The following VWA7 variants were observed in gnomAD, a reference collection of about 807,000 sequenced individuals.
VWA7 encodes von Willebrand factor A domain-containing protein 7.
Under a neutral mutation model 83.1 loss-of-function variants are expected in VWA7, and 66 were observed. The observed-to-expected ratio is 0.79, with a 90% confidence interval of 0.65 to 0.98. The LOEUF (loss-of-function observed/expected upper bound fraction) is 0.98. Among genes scored for constraint, VWA7 ranks in the 50% least tolerant of loss-of-function variants. The pLI is 0.00. For synonymous variants in VWA7, 424 were observed against 488.5 expected, an observed-to-expected ratio of 0.87 and a Z score of 1.74; for missense variants, 1,080 against 1,160.2, an observed-to-expected ratio of 0.93 and a Z score of 1.00.
chr6:31,774,204 G>A (rs7769537), intron 5 of VWA7, among the ~76,000 whole-genome samples: 3,010 of 151,766 alleles, frequency 0.02, 80 homozygotes, highest in African/African-American at 0.059. Context: ...TTTGTGGAGG[G>A]GAATTCTGGA....
chr6:31,767,476 C>T lies in VWA7; in HGVS notation c.1675G>A (p.Gly559Ser). Residue 559 changes from glycine to serine, a missense_variant, in exon 12 of 17, where the codon GGT becomes AGT. Transcript: ENST00000375688. The stretch of plus-strand genomic sequence containing the variant: ...AACTGCCCAAAGCGGCGAGTGTGAC[C>T]TAGAGGACCCCCGCCTTCCTCCTGG... ...QGQEEGGGPLGHTRRFGQFWM... is the reference protein window; with the variant it reads ...QGQEEGGGPLSHTRRFGQFWM... 2 of 1,612,190 alleles carry T rather than the reference C, an allele frequency of 1.2e-6. No homozygotes were observed. Among genetic ancestry groups the T allele is most frequent in the South Asian group, 1.1e-5 (1 of 91,060 alleles).
At position 31,774,537 on chromosome 6, in the gene VWA7, T is replaced by C; in HGVS notation, c.700A>G (p.Thr234Ala). ...GTACCTGGAGGTTTCGGGGGATGAG[T>C]TCCAAAGTAGCCAGAGGTGAGGAGT... ...FTLLTSGYFGTHPPKPPGKCS... is the reference protein window; with the variant it reads ...FTLLTSGYFGAHPPKPPGKCS... The change falls in exon 5 of 17, where the codon ACT becomes GCT. Residue 234 changes from threonine to alanine, a missense_variant. Thr to Ala is a moderately conservative substitution (Grantham distance 58). Transcript: ENST00000375688. 11 of 1,612,440 alleles carry C rather than the reference T, an allele frequency of 6.8e-6. No individual in the cohort carries two copies. Among genetic ancestry groups the C allele is most frequent in the Non-Finnish European group, 9.3e-6 (11 of 1,179,810 alleles).
At chr6:31,767,552 C>T in intron 11 of VWA7, 38 bp from the exon 12 acceptor site, 1 of 1,600,200 alleles carries the variant, frequency 6.2e-7, no homozygotes, top group Non-Finnish European at 8.6e-7. Context: ...GAAGCACTTG[C>T]TCTCCTTGAG....
At position 31,766,374 on chromosome 6, in the gene VWA7, G is replaced by A. The variant is rs1338047101; in HGVS notation, c.2195C>T (p.Pro732Leu). ...VVPVLLELSGPSGFLAPGSKV... is the reference protein window; with the variant it reads ...VVPVLLELSGLSGFLAPGSKV... ...GCTGCCCGGGGCCAAGAAACCCGAG[G>A]GGCCACTAAGCTGCAGAGAAGGGTT... Residue 732 changes from proline to leucine, a missense_variant, in exon 15 of 17, where the codon CCC becomes CTC. Pro to Leu is a moderately conservative substitution (Grantham distance 98). Coordinates refer to ENST00000375688, the MANE Select transcript of VWA7 (RefSeq NM_025258.3). The surrounding 1 kb of genome is among the most constrained non-coding windows in gnomAD (Gnocchi z 4.9). 1 of 1,599,652 alleles carries A rather than the reference G, an allele frequency of 6.3e-7. No homozygotes were observed. The highest frequency in any genetic ancestry group is 1.8e-5 in the Admixed American group (1 of 56,494).
In VWA7 at chr6:31,777,069, C is replaced by T; in HGVS notation, c.-16+40G>A. 2.5e-6 allele frequency: 1 copy of T among 407,038 alleles called. No individual in the cohort carries two copies. Among genetic ancestry groups the T allele is most frequent in the Non-Finnish European group, 4.4e-6 (1 of 229,880 alleles). The allele number at this position is 407,038 out of a possible 1,614,324, so 25.2% of individuals were successfully genotyped here. A position where few individuals can be genotyped will look rare whatever the true frequency, so the allele number is the denominator to read the frequency against. Reference sequence around the variant, plus strand: ...CCAGCCCTGCCGCAGAAACACTCCCCATGCTCAGGAAGCCTGAGTCCTCTC... The same window carrying T: ...CCAGCCCTGCCGCAGAAACACTCCCTATGCTCAGGAAGCCTGAGTCCTCTC... On this transcript the variant is annotated intron_variant, in intron 1 of 16. Transcript: ENST00000375688. This position sits in a 1 kb window ranked among gnomAD's most constrained non-coding sequence, Gnocchi z 5.8.
rs767669981 is a variant in VWA7, at chr6:31,766,590, G to A, written c.2057C>T (p.Ser686Leu). The change falls in exon 14 of 17, where the codon TCG becomes TTG. Residue 686 changes from serine (S) to leucine (L), a missense_variant. Transcript: ENST00000375688. The surrounding 1 kb of genome is among the most constrained non-coding windows in gnomAD (Gnocchi z 4.9). ...GPPERGLLAA[S>L]LSPTLLSTPR... ...GGTGGACAGCAGCGTGGGCGACAGC[G>A]AGGCTGCGAGGAGACCTCGCTCCGG... 21 of 1,612,892 alleles carry A rather than the reference G, an allele frequency of 1.3e-5. No individual in the cohort carries two copies. The Admixed American group carries it at 2.3e-4, about 18-fold the overall frequency.
chr6:31,776,237 T>G lies in VWA7; in HGVS notation c.240A>C (p.Arg80=), dbSNP rs1238014709. 3 of 1,613,014 alleles carry G rather than the reference T, an allele frequency of 1.9e-6. No homozygotes were observed. Among genetic ancestry groups the G allele is most frequent in the South Asian group, 1.1e-5 (1 of 91,058 alleles). Residue 80 remains arginine (R), a synonymous_variant, in exon 3 of 17, where the codon CGA becomes CGC. Transcript: ENST00000375688. This position sits in a 1 kb window ranked among gnomAD's most constrained non-coding sequence, Gnocchi z 6.2. ...CAAAGAGGTCATCAGCAAGGAGTGT[T>G]CGACCCTGGGGAGAATAGCGGGCGA... ...PPLRLEDFLG[R]TLLADDLFAA...
Position 31,776,666 on chromosome 6 carries a change from AG to A in VWA7, c.113del (p.Ala38ValfsTer11). On this transcript the variant is annotated frameshift_variant, in exon 2 of 17. Coordinates refer to ENST00000375688, the MANE Select transcript of VWA7 (RefSeq NM_025258.3). LOFTEE classifies it high-confidence loss of function. This position sits in a 1 kb window ranked among gnomAD's most constrained non-coding sequence, Gnocchi z 6.2. The part of the protein sequence containing the change: ...AFFPNIWSLL[A>X]APGSITHQDL... ...CTTGGTGGGTGATGGAGCCAGGGGC[AG>A]CCAGCAGGCTCCAGATGTTGGGGAA... The A allele has an allele frequency of 6.5e-7, 1 of 1,542,230 alleles. No individual in the cohort carries two copies. The highest frequency in any genetic ancestry group is 8.8e-7 in the Non-Finnish European group (1 of 1,142,372).
In VWA7 at chr6:31,777,047, G is replaced by T; in HGVS notation, c.-16+62C>A. On this transcript the variant is annotated intron_variant, in intron 1 of 16. Coordinates refer to ENST00000375688, the MANE Select transcript of VWA7 (RefSeq NM_025258.3). This position sits in a 1 kb window ranked among gnomAD's most constrained non-coding sequence, Gnocchi z 5.8. ...TCCCCAGTCCCTGGCTGCGTCCCCA[G>T]CCCTGCCGCAGAAACACTCCCCATG... 1 of 413,146 alleles carries T rather than the reference G, an allele frequency of 2.4e-6. No homozygotes were observed. Among genetic ancestry groups the T allele is most frequent in the Non-Finnish European group, 4.3e-6 (1 of 233,752 alleles). The allele number at this position is 413,146 out of a possible 1,614,324, so 25.6% of individuals were successfully genotyped here. A position where few individuals can be genotyped will look rare whatever the true frequency, so the allele number is the denominator to read the frequency against.
chr6:31,776,835 C>A lies in VWA7; in HGVS notation c.-15-41G>T, dbSNP rs914268619. On this transcript the variant is annotated intron_variant, in intron 1 of 16. Transcript: ENST00000375688. The surrounding 1 kb of genome is among the most constrained non-coding windows in gnomAD (Gnocchi z 6.2). ...CTCTCAAGGGAGGAGGAAGCAGCCG[C>A]GATTCCAGGGCAGGCCGGCTCTGCG... 13 of 1,177,674 alleles carry A rather than the reference C, an allele frequency of 1.1e-5. No individual in the cohort carries two copies. The highest frequency in any genetic ancestry group is 1.5e-5 in the Non-Finnish European group (13 of 886,926). The allele number at this position is 1,177,674 out of a possible 1,614,324, so 73.0% of individuals were successfully genotyped here. A position where few individuals can be genotyped will look rare whatever the true frequency, so the allele number is the denominator to read the frequency against.
chr6:31,776,789 A>G lies in VWA7; in HGVS notation c.-10T>C, dbSNP rs1369190328. 20 of 1,387,922 alleles carry G rather than the reference A, an allele frequency of 1.4e-5. No individual in the cohort carries two copies. The highest frequency in any genetic ancestry group is 3.1e-5 in the Admixed American group (1 of 32,384). 86.0% of individuals were successfully genotyped at this position (1,387,922 alleles called of 1,614,324 possible). ...CCTCCGTGGGGAGCATGGCTGAGAC[A>G]TGGACCTGGGAGACAGAAGGCTCTC... is the stretch of plus-strand genomic sequence containing the variant. On this transcript the variant is annotated 5_prime_UTR_variant, in exon 2 of 17. An upstream start codon of the reference 5' UTR is lost. Coordinates refer to ENST00000375688, the MANE Select transcript of VWA7 (RefSeq NM_025258.3). The surrounding 1 kb of genome is among the most constrained non-coding windows in gnomAD (Gnocchi z 6.2).
rs1812571579 is a variant in VWA7, at chr6:31,775,247, C to G, written c.610+86G>C. ...TGGAGATTAAGTAACATCATACCCTCTGGGACTTCAGAATGTGACACAGTG... is the reference window on the plus strand; with the variant it reads ...TGGAGATTAAGTAACATCATACCCTGTGGGACTTCAGAATGTGACACAGTG... On this transcript the variant is annotated intron_variant, in intron 4 of 16. Coordinates refer to ENST00000375688, the MANE Select transcript of VWA7 (RefSeq NM_025258.3). This position sits in a 1 kb window ranked among gnomAD's most constrained non-coding sequence, Gnocchi z 5.9. 3.3e-6 allele frequency: 4 copies of G among 1,208,376 alleles called. No homozygotes were observed. The highest frequency in any genetic ancestry group is 3.5e-6 in the Non-Finnish European group (3 of 858,982). The allele number at this position is 1,208,376 out of a possible 1,614,324, so 74.9% of individuals were successfully genotyped here.
chr6:31,769,556 A>G lies in VWA7; in HGVS notation c.1317+119T>C. 1 of 913,080 alleles carries G rather than the reference A, an allele frequency of 1.1e-6. No individual in the cohort carries two copies. The highest frequency in any genetic ancestry group is 1.8e-6 in the Non-Finnish European group (1 of 569,914). The allele number at this position is 913,080 out of a possible 1,614,324, so 56.6% of individuals were successfully genotyped here. A position where few individuals can be genotyped will look rare whatever the true frequency, so the allele number is the denominator to read the frequency against. On this transcript the variant is annotated intron_variant, in intron 9 of 16. Coordinates refer to ENST00000375688, the MANE Select transcript of VWA7 (RefSeq NM_025258.3). This position sits in a 1 kb window ranked among gnomAD's most constrained non-coding sequence, Gnocchi z 4.5. The stretch of plus-strand genomic sequence containing the variant: ...CCACTCATTGTCTGCTTCTCCCACC[A>G]TATACCAAGGCTTGTTGGGCCACCA...
rs557357234 is a variant in VWA7, at chr6:31,766,444, C to A, written c.2184+19G>T. ...CTAACTCTCTCCAGCCCCAGCCGCA[C>A]TTTCCCCTGGCGTCTCACCTCCAGA... On this transcript the variant is annotated intron_variant, in intron 14 of 16. Transcript: ENST00000375688. The surrounding 1 kb of genome is among the most constrained non-coding windows in gnomAD (Gnocchi z 4.9). 1.3e-6 allele frequency: 2 copies of A among 1,580,738 alleles called. No homozygotes were observed. The highest frequency in any genetic ancestry group is 2.3e-5 in the South Asian group (2 of 87,444).
Position 31,773,215 on chromosome 6 carries a change from G to T in VWA7, c.917+27C>A. 1 of 1,593,682 alleles carries T rather than the reference G, an allele frequency of 6.3e-7. No homozygotes were observed. The highest frequency in any genetic ancestry group is 8.5e-7 in the Non-Finnish European group (1 of 1,170,644). ...TCCCGCAGGAGCGCCTCCCCATGAA[G>T]GGGTCCATCCCCAGGAGGCCACTCA... On this transcript the variant is annotated intron_variant, in intron 6 of 16. Transcript: ENST00000375688. The surrounding 1 kb of genome is among the most constrained non-coding windows in gnomAD (Gnocchi z 5.3).
In VWA7 at chr6:31,777,290, C is replaced by A; in HGVS notation, c.-197G>T. The A allele has an allele frequency of 1.9e-6, 1 of 519,256 alleles. No individual in the cohort carries two copies. The highest frequency in any genetic ancestry group is 3.4e-6 in the Non-Finnish European group (1 of 290,734). The allele number at this position is 519,256 out of a possible 1,614,324, so 32.2% of individuals were successfully genotyped here. On this transcript the variant is annotated 5_prime_UTR_variant, in exon 1 of 17. Coordinates refer to ENST00000375688, the MANE Select transcript of VWA7 (RefSeq NM_025258.3). The surrounding 1 kb of genome is among the most constrained non-coding windows in gnomAD (Gnocchi z 5.8). ...CCAAAGCCACAGGCAGCAGCCCACGCCAGGGCGGGCCTCCCTTGGCTGCAG... is the reference window on the plus strand; with the variant it reads ...CCAAAGCCACAGGCAGCAGCCCACGACAGGGCGGGCCTCCCTTGGCTGCAG...
intron 7 of VWA7, among the ~76,000 whole-genome samples, chr6:31,772,039 A>G (rs1812232465): frequency 6.6e-6 from 1 of 151,496 alleles, no homozygotes; most frequent in Non-Finnish European, 1.5e-5. Context: ...TTAGCATGAA[A>G]GCCTAAGAAA....
At position 31,774,556 on chromosome 6, in the gene VWA7, G is replaced by A. The variant is rs1812509227; in HGVS notation, c.681C>T (p.Leu227=). 2 of 1,612,974 alleles carry A rather than the reference G, an allele frequency of 1.2e-6. No individual in the cohort carries two copies. Among genetic ancestry groups the A allele is most frequent in the South Asian group, 1.1e-5 (1 of 91,076 alleles). ...CPRNWLGFTL[L]TSGYFGTHPP... is the part of the protein sequence containing the mutation. ...GATGAGTTCCAAAGTAGCCAGAGGT[G>A]AGGAGTGTGAAGCCCAGCCAATTCC... Residue 227 remains leucine (L), a synonymous_variant, in exon 5 of 17, where the codon CTC becomes CTT. Coordinates refer to ENST00000375688, the MANE Select transcript of VWA7 (RefSeq NM_025258.3).
chr6:31,772,708 T>C (rs1310199980), intron 7 of VWA7, among the ~76,000 whole-genome samples: 1 of 146,806 alleles, frequency 6.8e-6, no homozygotes, highest in African/African-American at 2.5e-5. Flanking sequence ...CAAGCGATTC[T>C]CCTGCCTCAG....
Sources: gnomAD v4.1 joint callset for allele counts (sites outside exome capture counted in the v4.1 genomes callset) on GRCh38, gnomAD v4.1.1 for gene constraint, Gnocchi (gnomAD v3.1) non-coding constraint, MANE v1.5 for transcripts, NCBI Gene and HGNC (gene_info 2026-07-23, HGNC 2026-07-21) for gene names.